RNF144A: variants seen among roughly 807,000 people sequenced by gnomAD.
The protein encoded by RNF144A is ring finger protein 144A.
Under a neutral mutation model 38.7 loss-of-function variants are expected in RNF144A, and 11 were observed. The ratio of observed to expected loss-of-function variants is 0.28; its 90% confidence interval spans 0.18 to 0.47. RNF144A has a LOEUF of 0.47. Among genes scored for constraint, RNF144A ranks in the 20% least tolerant of loss-of-function variants. RNF144A has a pLI of 0.99. For missense variants in RNF144A, 316 were observed against 377.2 expected, an observed-to-expected ratio of 0.84 and a Z score of 1.34; for synonymous variants, 149 against 143.9, an observed-to-expected ratio of 1.04 and a Z score of -0.25.
chr2:6,994,546 AATG>A (rs1669601299), intron 2 of RNF144A, among the ~76,000 whole-genome samples: 1 of 152,066 alleles, frequency 6.6e-6, no homozygotes, highest in Non-Finnish European at 1.5e-5. Context: ...GGTGTAGAGA[AATG>A]ATCCAAATGA....
downstream of RNF144A, among the ~76,000 whole-genome samples, chr2:7,046,179 A>T (rs1415886163): frequency 2.0e-4 from 30 of 152,236 alleles, no homozygotes; most frequent in Admixed American, 2.0e-3. Flanking sequence ...CTCGACCACA[A>T]GACAGTGTCC....
chr2:7,015,620 G>T (rs309323), intron 5 of RNF144A, among the ~76,000 whole-genome samples: 41,147 of 152,138 alleles, frequency 0.27, 6,649 homozygotes, highest in Admixed American at 0.35. Flanking sequence ...AATACTCCGG[G>T]GTCATACAAT....
intron 1 of RNF144A, among the ~76,000 whole-genome samples, chr2:6,927,703 A>C (rs1664966668): frequency 6.6e-6 from 1 of 152,234 alleles, no homozygotes. Context: ...GGTGTGAAAA[A>C]CAGAATGTAG....
At chr2:7,075,001 C>T in the RNF144A span, among the ~76,000 whole-genome samples, 1 of 152,152 alleles carries the variant, frequency 6.6e-6, no homozygotes, top group African/African-American at 2.4e-5. Flanking sequence ...ATTTCTGTTG[C>T]AAATACTTGC....
intron 1 of RNF144A, among the ~76,000 whole-genome samples, chr2:6,925,819 A>G (rs1664821104): frequency 6.6e-6 from 1 of 152,122 alleles, no homozygotes; most frequent in Non-Finnish European, 1.5e-5. Flanking sequence ...ATCAGGGGTT[A>G]GGAGTTCAAT....
intron 6 of RNF144A, among the ~76,000 whole-genome samples, chr2:7,050,162 A>C (rs1673461515): frequency 6.6e-6 from 1 of 152,110 alleles, no homozygotes; most frequent in Non-Finnish European, 1.5e-5. Context: ...GTCCCCACCC[A>C]AATCTCACTT....
Position 6,994,355 on chromosome 2 carries a change from A to G in RNF144A, c.-11-2561A>G, listed in dbSNP as rs533307881. Among the ~76,000 whole-genome samples, 95 of 152,280 alleles carry G rather than the reference A, an allele frequency of 6.2e-4. 1 individual carries two copies. Among genetic ancestry groups the G allele is most frequent in the African/African-American group, 2.1e-3 (86 of 41,556 alleles). On this transcript the variant is annotated intron_variant, in intron 2 of 8. Transcript: ENST00000320892. ...GGGCCAGCTAACATTTTAAAATATA[A>G]TTATCATGTTGTCCAGTGAACTTTA...
At chr2:7,002,793 C>T (rs1670195815) in intron 3 of RNF144A, among the ~76,000 whole-genome samples, 1 of 152,024 alleles carries the variant, frequency 6.6e-6, no homozygotes, top group Non-Finnish European at 1.5e-5. Context: ...TGTGGAACAG[C>T]CTGAGGCAGG....
intron 3 of RNF144A, among the ~76,000 whole-genome samples, chr2:7,003,417 G>A (rs980638019): frequency 4.6e-5 from 7 of 152,140 alleles, no homozygotes; most frequent in Admixed American, 3.9e-4. Context: ...ATCTTTTATA[G>A]CATATTTTAA....
Position 7,061,032 on chromosome 2 carries a change from G to A in RNF144A, c.735-7184G>A, listed in dbSNP as rs545619281. 1.3e-3 allele frequency among the ~76,000 whole-genome samples: 201 copies of A among 152,140 alleles called. 1 individual carries two copies. The highest frequency in any genetic ancestry group is 4.7e-3 in the African/African-American group (194 of 41,506). ...CTGGATGGAACCTATGGAATCAAAG[G>A]GAAATAAAGCAACATTTTGATGCCC... On this transcript the variant is annotated intron_variant, in intron 6 of 6. Transcript: ENST00000432850.
chr2:7,071,220 G>A (rs1268208787), downstream of RNF144A, among the ~76,000 whole-genome samples: 1 of 152,170 alleles, frequency 6.6e-6, no homozygotes, highest in East Asian at 1.9e-4. Flanking sequence ...ACAGGCATGA[G>A]CCACCGTGCC....
chr2:7,021,936 T>C (rs190998477), intron 6 of RNF144A, among the ~76,000 whole-genome samples: 1 of 152,376 alleles, frequency 6.6e-6, no homozygotes, highest in Admixed American at 6.5e-5. Flanking sequence ...TAAATTATTG[T>C]CCAAAGATGA....
At chr2:6,923,494 T>C (rs755410777) in intron 1 of RNF144A, among the ~76,000 whole-genome samples, 3 of 152,224 alleles carry the variant, frequency 2.0e-5, no homozygotes, top group African/African-American at 4.8e-5. Context: ...TCTCAGCAGC[T>C]GCTGACGTGT....
intron 2 of RNF144A, among the ~76,000 whole-genome samples, chr2:6,996,371 A>G (rs403407): frequency 0.35 from 53,977 of 152,076 alleles, 10,025 homozygotes; most frequent in Middle Eastern, 0.42. Context: ...TAAAATGCAC[A>G]TCAGTGGGAG....
At chr2:7,030,269 G>C (rs1350380941) in intron 8 of RNF144A, 54 bp downstream of exon 8, 2 of 526,038 alleles carry the variant, frequency 3.8e-6, no homozygotes, top group Non-Finnish European at 5.7e-6. Context: ...GTGTGTGTGT[G>C]TGTGTGTGTG....
chr2:6,925,595 G>A (rs1432512557), intron 1 of RNF144A, among the ~76,000 whole-genome samples: 4 of 152,130 alleles, frequency 2.6e-5, no homozygotes, highest in Admixed American at 6.5e-5. Context: ...TGGGCAAGCC[G>A]CAGGTAAAGG....
intron 2 of RNF144A, among the ~76,000 whole-genome samples, chr2:6,949,935 C>T (rs1327568488): frequency 6.6e-6 from 1 of 152,072 alleles, no homozygotes; most frequent in Non-Finnish European, 1.5e-5. Flanking sequence ...CCACTATCAT[C>T]ATCACCATTA....
chr2:7,020,346 C>A, intron 5 of RNF144A, 127 bp from the exon 6 acceptor site: 1 of 768,454 alleles, frequency 1.3e-6, no homozygotes, highest in Non-Finnish European at 2.1e-6. Flanking sequence ...TCGGTTGGGG[C>A]TGGTGGTGCT....
At chr2:6,987,526 G>A (rs544209998) in intron 2 of RNF144A, among the ~76,000 whole-genome samples, 2 of 152,344 alleles carry the variant, frequency 1.3e-5, no homozygotes, top group Non-Finnish European at 2.9e-5. Flanking sequence ...TTCCATGTAA[G>A]TAGACTTTCT....
Sources: gnomAD v4.1 joint callset for allele counts (sites outside exome capture counted in the v4.1 genomes callset) on GRCh38, gnomAD v4.1.1 for gene constraint, MANE v1.5 for transcripts, NCBI Gene and HGNC (gene_info 2026-07-23, HGNC 2026-07-21) for gene names.